CSMD3: variants seen among roughly 807,000 people sequenced by gnomAD.
CSMD3 encodes the protein CUB and Sushi multiple domains 3.
In CSMD3, 177 loss-of-function variants were observed where a neutral mutation model predicts 435.2. That is an observed-to-expected ratio of 0.41 (90% CI 0.36 to 0.46). The LOEUF is 0.46. CSMD3 is among the 20% of genes least tolerant of loss of function. The pLI is 0.34. For synonymous variants in CSMD3, 1,656 were observed against 1,520.5 expected, an observed-to-expected ratio of 1.09 and a Z score of -2.07; for missense variants, 4,265 against 4,504.6, an observed-to-expected ratio of 0.95 and a Z score of 1.52.
intron 27 of CSMD3, among the ~76,000 whole-genome samples, chr8:112,548,581 A>G (rs1386927948): frequency 6.6e-6 from 1 of 152,138 alleles, no homozygotes; most frequent in Non-Finnish European, 1.5e-5. Context: ...TCTTTGGGCA[A>G]TGAGAATGAT....
chr8:113,020,494 A>G (rs1564216872), intron 5 of CSMD3, among the ~76,000 whole-genome samples: 1 of 152,180 alleles, frequency 6.6e-6, no homozygotes, highest in Non-Finnish European at 1.5e-5. Context: ...TCTACCATAT[A>G]TCTAACCATT....
At chr8:113,267,977 CATAT>C (rs1219638038) in intron 3 of CSMD3, among the ~76,000 whole-genome samples, 3 of 151,534 alleles carry the variant, frequency 2.0e-5, no homozygotes, top group African/African-American at 7.3e-5. Flanking sequence ...ATAATACATA[CATAT>C]AATTACATAT....
At chr8:112,461,212 T>C (rs1817412356) in intron 32 of CSMD3, among the ~76,000 whole-genome samples, 1 of 152,166 alleles carries the variant, frequency 6.6e-6, no homozygotes, top group Non-Finnish European at 1.5e-5. Context: ...TCAGAAATGA[T>C]GACTATTCCT....
At chr8:113,412,045 C>T (rs1367908423) in intron 1 of CSMD3, among the ~76,000 whole-genome samples, 2 of 152,026 alleles carry the variant, frequency 1.3e-5, no homozygotes, top group Admixed American at 6.6e-5. Context: ...GATGATAATA[C>T]ATACACAACA....
intron 3 of CSMD3, among the ~76,000 whole-genome samples, chr8:113,238,793 G>A (rs948495098): frequency 1.3e-5 from 2 of 152,148 alleles, no homozygotes; most frequent in Non-Finnish European, 2.9e-5. Flanking sequence ...CTAAGCAGGA[G>A]AATCCCCTCT....
intron 3 of CSMD3, among the ~76,000 whole-genome samples, chr8:113,275,289 T>C (rs1344021753): frequency 3.9e-5 from 6 of 152,094 alleles, no homozygotes; most frequent in Non-Finnish European, 7.4e-5. Flanking sequence ...TGAACAAATA[T>C]CTTTCTTAGC....
intron 10 of CSMD3, among the ~76,000 whole-genome samples, chr8:112,877,175 A>C (rs2511536): frequency 6.6e-6 from 1 of 152,092 alleles, no homozygotes; most frequent in African/African-American, 2.4e-5. Flanking sequence ...TGAAAATGGC[A>C]ATACTGCCCA....
intron 10 of CSMD3, among the ~76,000 whole-genome samples, chr8:112,879,604 G>C (rs1331635754): frequency 6.6e-6 from 1 of 151,990 alleles, no homozygotes; most frequent in African/African-American, 2.4e-5. Context: ...TTTGTGGCCT[G>C]GGGGGCATCA....
At chr8:112,467,870 T>G (rs895208745) in intron 32 of CSMD3, among the ~76,000 whole-genome samples, 1 of 152,132 alleles carries the variant, frequency 6.6e-6, no homozygotes, top group Non-Finnish European at 1.5e-5. Context: ...AGGATGCTTC[T>G]CTAGAGCCGC....
chr8:113,362,783 G>A (rs189201497), intron 1 of CSMD3, among the ~76,000 whole-genome samples: 1 of 152,246 alleles, frequency 6.6e-6, no homozygotes, highest in East Asian at 1.9e-4. Context: ...AGTGTGTTTA[G>A]AAGAAGAAAC....
chr8:112,419,260 C>T (rs1193661712), intron 32 of CSMD3, among the ~76,000 whole-genome samples: 2 of 152,152 alleles, frequency 1.3e-5, no homozygotes, highest in East Asian at 3.9e-4. Context: ...CATGCAGAAG[C>T]ATGGCTCCAC....
At chr8:113,112,559 A>T (rs2090693585) in intron 4 of CSMD3, among the ~76,000 whole-genome samples, 1 of 150,552 alleles carries the variant, frequency 6.6e-6, no homozygotes. Context: ...TCCAGTTGCA[A>T]TTGTCCTGAG....
intron 69 of CSMD3, among the ~76,000 whole-genome samples, chr8:112,230,431 T>G (rs1432512393): frequency 6.6e-6 from 1 of 152,226 alleles, no homozygotes; most frequent in Admixed American, 6.5e-5. Context: ...AATTAGTATC[T>G]TATTTTTTAC....
chr8:113,434,023 G>A (rs2094690648), intron 1 of CSMD3, among the ~76,000 whole-genome samples: 1 of 152,198 alleles, frequency 6.6e-6, no homozygotes, highest in Admixed American at 6.5e-5. Flanking sequence ...GAAATGCCAA[G>A]GAAAGGTTGT....
intron 1 of CSMD3, among the ~76,000 whole-genome samples, chr8:113,374,052 T>C (rs1426351540): frequency 6.6e-6 from 1 of 152,020 alleles, no homozygotes; most frequent in Non-Finnish European, 1.5e-5. Flanking sequence ...TCTCTCTCTC[T>C]CCACATATAT....
chr8:112,877,417 C>T (rs1587550318), intron 10 of CSMD3, among the ~76,000 whole-genome samples: 1 of 151,990 alleles, frequency 6.6e-6, no homozygotes, highest in Non-Finnish European at 1.5e-5. Context: ...CAGGTGTGTG[C>T]CACCACACCT....
chr8:113,393,877 T>G (rs1205704220), intron 1 of CSMD3, among the ~76,000 whole-genome samples: 1 of 151,998 alleles, frequency 6.6e-6, no homozygotes, highest in African/African-American at 2.4e-5. Flanking sequence ...AGCCTTTTTC[T>G]CTGTATCTAT....
intron 10 of CSMD3, among the ~76,000 whole-genome samples, chr8:112,894,549 T>C (rs2081895193): frequency 6.6e-6 from 1 of 151,276 alleles, no homozygotes. Context: ...CAATAGAAAA[T>C]GAAATTAATA....
At chr8:112,320,174 G>A (rs1429137188) in intron 45 of CSMD3, among the ~76,000 whole-genome samples, 193 bp from the exon 46 acceptor site, 1 of 151,976 alleles carries the variant, frequency 6.6e-6, no homozygotes, top group Non-Finnish European at 1.5e-5. Flanking sequence ...TGGTAACAAT[G>A]CTTACTTTTT....
Sources: gnomAD v4.1 joint callset for allele counts (sites outside exome capture counted in the v4.1 genomes callset) on GRCh38, gnomAD v4.1.1 for gene constraint, MANE v1.5 for transcripts, NCBI Gene and HGNC (gene_info 2026-07-23, HGNC 2026-07-21) for gene names.